DMD: variants seen among roughly 807,000 people sequenced by gnomAD.
The protein encoded by DMD is dystrophin.
DMD carries 63 observed loss-of-function variants against 330.1 expected under a neutral mutation model. The observed-to-expected ratio is 0.19, with a 90% confidence interval of 0.16 to 0.24. The LOEUF (loss-of-function observed/expected upper bound fraction) is 0.24, where lower values mean the gene tolerates loss of function less well. Among genes scored for constraint, DMD ranks in the 10% least tolerant of loss-of-function variants. The pLI is 1.00. For missense variants in DMD, 3,344 were observed against 2,684.1 expected, an observed-to-expected ratio of 1.25 and a Z score of -5.43; for synonymous variants, 1,223 against 959.8, an observed-to-expected ratio of 1.27 and a Z score of -5.07.
intron 9 of DMD, among the ~76,000 whole-genome samples, chrX:32,651,345 G>A (rs983333799): frequency 2.7e-5 from 3 of 110,499 alleles, no homozygotes; most frequent in African/African-American, 9.9e-5. Flanking sequence ...GTTTCAACAC[G>A]TTGGCCAGGC....
chrX:31,225,389 C>T (rs912733774), intron 63 of DMD, among the ~76,000 whole-genome samples: 6 of 112,318 alleles, frequency 5.3e-5, no homozygotes, highest in African/African-American at 1.9e-4. Flanking sequence ...TTAGACGGGC[C>T]TGTGTAGTGA....
chrX:31,872,637 G>C (rs149990543), intron 48 of DMD, among the ~76,000 whole-genome samples: 1,615 of 111,878 alleles, frequency 0.014, 27 homozygotes, highest in African/African-American at 0.05. Context: ...TAAAAGAGTA[G>C]AATGTGCTTT....
At chrX:31,122,074 G>T in intron 78 of DMD, 144 bp from the exon 79 acceptor site, 1 of 504,471 alleles carries the variant, frequency 2.0e-6, no homozygotes. Flanking sequence ...ACACAACAAG[G>T]TTTGATTTTT....
At chrX:32,892,364 A>C (rs921705799) in intron 2 of DMD, among the ~76,000 whole-genome samples, 8 of 110,113 alleles carry the variant, frequency 7.3e-5, no homozygotes, top group African/African-American at 2.6e-4. Context: ...GATGCCCCCC[A>C]CGCCATGTTG....
Position 31,966,595 on chromosome X carries a change from A to T in DMD, c.6614+1744T>A, listed in dbSNP as rs748824866. Among the ~76,000 whole-genome samples, 285 of 110,814 alleles carry T rather than the reference A, an allele frequency of 2.6e-3. 2 individuals are homozygous for T. Among genetic ancestry groups the T allele is most frequent in the African/African-American group, 8.5e-3 (261 of 30,652 alleles). Reference sequence around the variant, plus strand: ...TAGGTCAACATGTTTAAATGGGAAAATTTTTTTCCTAATTACAGCCAAATC... The same window carrying T: ...TAGGTCAACATGTTTAAATGGGAAATTTTTTTTCCTAATTACAGCCAAATC... On this transcript the variant is annotated intron_variant, in intron 45 of 78. Coordinates refer to ENST00000357033, the MANE Select transcript of DMD (RefSeq NM_004006.3).
chrX:32,912,404 G>A (rs2087347802), intron 2 of DMD, among the ~76,000 whole-genome samples: 1 of 110,863 alleles, frequency 9.0e-6, no homozygotes, highest in African/African-American at 3.3e-5. Context: ...CAGTGTAAAG[G>A]AGCCAAAGAG....
At chrX:32,783,598 G>C in intron 7 of DMD, among the ~76,000 whole-genome samples, 1 of 110,186 alleles carries the variant, frequency 9.1e-6, no homozygotes. Context: ...AAAAATGCAT[G>C]TGTAACCCTG....
At chrX:32,246,826 T>C (rs1018353774) in intron 43 of DMD, among the ~76,000 whole-genome samples, 1 of 111,159 alleles carries the variant, frequency 9.0e-6, no homozygotes, top group African/African-American at 3.3e-5. Flanking sequence ...CTGTTAACTC[T>C]ACAAGTCAAA....
chrX:32,236,979 ATTGT>A (rs1328395271), intron 43 of DMD, among the ~76,000 whole-genome samples: 1 of 111,076 alleles, frequency 9.0e-6, no homozygotes, highest in African/African-American at 3.3e-5. Context: ...TAAATCCTTT[ATTGT>A]TTTAGTATTG....
At chrX:31,828,086 T>C (rs1178072668) in intron 49 of DMD, among the ~76,000 whole-genome samples, 1 of 110,991 alleles carries the variant, frequency 9.0e-6, no homozygotes, top group Non-Finnish European at 1.9e-5. Flanking sequence ...TAAATGAAGT[T>C]GAAACAAAAA....
intron 74 of DMD, among the ~76,000 whole-genome samples, chrX:31,153,352 T>C (rs2037689024): frequency 8.9e-6 from 1 of 112,470 alleles, no homozygotes; most frequent in Non-Finnish European, 1.9e-5. Context: ...GGTGTGTTTT[T>C]GTGGGGCTCT....
chrX:32,457,210 G>C (rs187663699), intron 25 of DMD, among the ~76,000 whole-genome samples: 1 of 110,469 alleles, frequency 9.1e-6, no homozygotes, highest in Admixed American at 9.7e-5. Flanking sequence ...ACTGAATTTA[G>C]CGATTTAGTA....
At chrX:32,516,204 C>A (rs2045846972) in intron 18 of DMD, among the ~76,000 whole-genome samples, 1 of 111,594 alleles carries the variant, frequency 9.0e-6, no homozygotes, top group Non-Finnish European at 1.9e-5. Flanking sequence ...TAATGGATAC[C>A]TAAACTGAAT....
intron 45 of DMD, among the ~76,000 whole-genome samples, chrX:31,959,152 C>A (rs1162526466): frequency 8.9e-6 from 1 of 111,902 alleles, no homozygotes; most frequent in Admixed American, 9.5e-5. Flanking sequence ...TAACTTGAGT[C>A]ACCCTGCCAC....
intron 53 of DMD, among the ~76,000 whole-genome samples, chrX:31,677,331 C>A (rs2082137869): frequency 9.0e-6 from 1 of 111,450 alleles, no homozygotes; most frequent in South Asian, 3.7e-4. Context: ...CTACCAGAGT[C>A]CTCTTGCCCT....
intron 27 of DMD, 97 bp from the exon 28 acceptor site, chrX:32,441,411 C>A (rs1175716645): frequency 1.1e-6 from 1 of 880,410 alleles, no homozygotes; most frequent in African/African-American, 2.0e-5. Context: ...AAATATAACA[C>A]TTTGTATTTT....
chrX:32,821,444 G>A (rs1010659975), intron 5 of DMD, among the ~76,000 whole-genome samples: 106 of 69,903 alleles, frequency 1.5e-3, no homozygotes, highest in Non-Finnish European at 2.5e-3. Flanking sequence ...AAAATTAGCC[G>A]GGCGTGGTGG....
intron 1 of DMD, among the ~76,000 whole-genome samples, chrX:33,164,556 T>A (rs2048961092): frequency 8.9e-6 from 1 of 112,229 alleles, no homozygotes; most frequent in Admixed American, 9.5e-5. Context: ...AAGAATCGTG[T>A]GTCTATATTT....
chrX:31,670,503 T>G (rs993067272), intron 53 of DMD, among the ~76,000 whole-genome samples: 1 of 111,972 alleles, frequency 8.9e-6, no homozygotes, highest in Non-Finnish European at 1.9e-5. Context: ...GTGTCACAAT[T>G]TGCGTAGCTG....
Sources: gnomAD v4.1 joint callset for allele counts (sites outside exome capture counted in the v4.1 genomes callset) on GRCh38, gnomAD v4.1.1 for gene constraint, MANE v1.5 for transcripts, NCBI Gene and HGNC (gene_info 2026-07-23, HGNC 2026-07-21) for gene names.